Variants in TMEM132B observed in about 807,000 individuals in gnomAD.
TMEM132B encodes transmembrane protein 132B.
TMEM132B carries 18 observed loss-of-function variants against 90.8 expected under a neutral mutation model. The observed-to-expected ratio is 0.20, with a 90% CI of 0.14 to 0.29. The LOEUF (loss-of-function observed/expected upper bound fraction) is 0.29. TMEM132B is among the 10% of genes least tolerant of loss of function. The pLI is 1.00. For synonymous variants in TMEM132B, 504 were observed against 523.3 expected (o/e 0.96, Z 0.50); for missense variants, 1,096 against 1,326.8 (o/e 0.83, Z 2.70).
At chr12:125,279,961 C>T (rs771181236) in intron 1 of TMEM132B, among the ~76,000 whole-genome samples, 37 of 152,224 alleles carry the variant, frequency 2.4e-4, no homozygotes, top group Non-Finnish European at 4.4e-4. Flanking sequence ...TAGATTGACT[C>T]ATTTCATTCT....
intron 6 of TMEM132B, among the ~76,000 whole-genome samples, chr12:125,647,697 GA>G (rs992157723): frequency 6.6e-6 from 1 of 152,086 alleles, no homozygotes; most frequent in African/African-American, 2.4e-5. Flanking sequence ...TAATGGAACA[GA>G]AAAAATTATA....
intron 1 of TMEM132B, among the ~76,000 whole-genome samples, chr12:125,339,878 T>G (rs1363531904): frequency 6.6e-6 from 1 of 152,232 alleles, no homozygotes; most frequent in Non-Finnish European, 1.5e-5. Flanking sequence ...TGCCAAGGGT[T>G]AGGACTTGAA....
intron 1 of TMEM132B, among the ~76,000 whole-genome samples, chr12:125,267,348 T>C (rs1324090261): frequency 6.6e-6 from 1 of 152,006 alleles, no homozygotes. Flanking sequence ...TTTTAAAGGG[T>C]GTGGCTTGGA....
At chr12:125,600,864 A>C (rs1050007827) in intron 5 of TMEM132B, among the ~76,000 whole-genome samples, 1 of 152,216 alleles carries the variant, frequency 6.6e-6, no homozygotes, top group Non-Finnish European at 1.5e-5. Flanking sequence ...TAAAAAAAAG[A>C]CAAAGAAGGG....
At chr12:125,341,843 T>C (rs1157998782) in intron 1 of TMEM132B, among the ~76,000 whole-genome samples, 1 of 152,152 alleles carries the variant, frequency 6.6e-6, no homozygotes, top group Non-Finnish European at 1.5e-5. Flanking sequence ...GTTGATGAGG[T>C]AGCGTGTTGT....
chr12:125,359,299 T>A (rs764662364), intron 2 of TMEM132B, among the ~76,000 whole-genome samples: 1 of 152,236 alleles, frequency 6.6e-6, no homozygotes, highest in Non-Finnish European at 1.5e-5. Flanking sequence ...ATACAATTAA[T>A]AAAAATTATG....
At chr12:125,609,896 A>G (rs1010193901) in intron 5 of TMEM132B, among the ~76,000 whole-genome samples, 2 of 140,994 alleles carry the variant, frequency 1.4e-5, no homozygotes, top group Non-Finnish European at 3.1e-5. Flanking sequence ...TCATTTGCTT[A>G]TGTATTCTTT....
At chr12:125,438,243 G>C (rs1305099584) in intron 3 of TMEM132B, among the ~76,000 whole-genome samples, 1 of 152,198 alleles carries the variant, frequency 6.6e-6, no homozygotes, top group Non-Finnish European at 1.5e-5. Flanking sequence ...CAGTAACTCT[G>C]TAAGGAAGGA....
chr12:125,451,591 G>A (rs1196724841), intron 3 of TMEM132B, among the ~76,000 whole-genome samples: 3 of 149,732 alleles, frequency 2.0e-5, no homozygotes, highest in Non-Finnish European at 4.4e-5. Context: ...GAGAGCTCCA[G>A]TATTACATTC....
chr12:125,411,746 T>C (rs1879848541), intron 2 of TMEM132B, among the ~76,000 whole-genome samples: 1 of 152,032 alleles, frequency 6.6e-6, no homozygotes, highest in South Asian at 2.1e-4. Context: ...GGGCCGATCA[T>C]CCCACCCAGA....
At chr12:125,313,098 A>G (rs1876160679) in intron 1 of TMEM132B, among the ~76,000 whole-genome samples, 1 of 152,110 alleles carries the variant, frequency 6.6e-6, no homozygotes, top group African/African-American at 2.4e-5. Flanking sequence ...TGCGTACTGA[A>G]TCTGGAATCT....
intron 1 of TMEM132B, among the ~76,000 whole-genome samples, chr12:125,278,442 G>T (rs1210759193): frequency 6.7e-6 from 1 of 149,096 alleles, no homozygotes; most frequent in African/African-American, 2.5e-5. Context: ...TGTCAATCAA[G>T]GTCATCTTTC....
At chr12:125,641,989 G>T (rs7956519) in intron 5 of TMEM132B, among the ~76,000 whole-genome samples, 1 of 152,122 alleles carries the variant, frequency 6.6e-6, no homozygotes, top group African/African-American at 2.4e-5. Flanking sequence ...ATCACAGGGG[G>T]CCTCAATCTC....
At chr12:125,520,021 G>A (rs185575691) in intron 4 of TMEM132B, among the ~76,000 whole-genome samples, 66 of 152,276 alleles carry the variant, frequency 4.3e-4, no homozygotes, top group Non-Finnish European at 7.9e-4. Context: ...AAGTCTCCCA[G>A]GTAACTTATG....
intron 1 of TMEM132B, among the ~76,000 whole-genome samples, chr12:125,243,669 G>T (rs1023103269): frequency 6.6e-6 from 1 of 152,194 alleles, no homozygotes; most frequent in African/African-American, 2.4e-5. Context: ...CAGGTAGGGG[G>T]TATAGTACCC....
rs532663177 is a variant in TMEM132B, at chr12:125,406,471, C to T, written c.960-9060C>T. On this transcript the variant is annotated intron_variant, in intron 2 of 8. Transcript: ENST00000682704. This position sits in a 1 kb window ranked among gnomAD's most constrained non-coding sequence, Gnocchi z 8.3. ...ACCGGGGAAAGGTGAGCCACAGTCT[C>T]AGTCTGTGGCCAAAACCATCTGAGA... 6.6e-6 allele frequency among the ~76,000 whole-genome samples: 1 copy of T among 152,316 alleles called. No homozygotes were observed. Among genetic ancestry groups the T allele is most frequent in the Non-Finnish European group, 1.5e-5 (1 of 68,024 alleles).
chr12:125,269,383 G>A (rs531551304), intron 1 of TMEM132B, among the ~76,000 whole-genome samples: 150 of 152,306 alleles, frequency 9.8e-4, no homozygotes, highest in African/African-American at 3.4e-3. Flanking sequence ...GAGGCAGGCA[G>A]CCTTTCTGGT....
At chr12:125,205,809 C>G (rs1294326583) in intron 1 of TMEM132B, among the ~76,000 whole-genome samples, 1 of 152,252 alleles carries the variant, frequency 6.6e-6, no homozygotes, top group Admixed American at 6.5e-5. Flanking sequence ...TCATTAGCAG[C>G]CAGCCCATAA....
intron 3 of TMEM132B, among the ~76,000 whole-genome samples, chr12:125,452,017 C>G (rs918874931): frequency 5.3e-5 from 8 of 152,168 alleles, no homozygotes; most frequent in Admixed American, 3.9e-4. Flanking sequence ...TTTGTGGGCT[C>G]TGGATTCTGG....
Sources: allele counts gnomAD v4.1 joint callset (sites outside exome capture counted in the v4.1 genomes callset), GRCh38; gene constraint gnomAD v4.1.1; non-coding constraint Gnocchi (gnomAD v3.1); transcripts MANE v1.5; gene names NCBI Gene and HGNC (gene_info 2026-07-23, HGNC 2026-07-21).